ANO3: variants seen among roughly 807,000 people sequenced by gnomAD.
ANO3 encodes the protein anoctamin-3.
ANO3 carries 99 observed loss-of-function variants against 144.8 expected under a neutral mutation model. That is an observed-to-expected ratio of 0.68 (90% confidence interval 0.58 to 0.81). The LOEUF is 0.81. ANO3 is among the 30% of genes least tolerant of loss of function. The pLI, the probability that ANO3 is intolerant of heterozygous loss-of-function variation, is 0.00. For synonymous variants in ANO3, 414 were observed against 392.6 expected, an observed-to-expected ratio of 1.05 and a Z score of -0.64; for missense variants, 905 against 1,202.2, an observed-to-expected ratio of 0.75 and a Z score of 3.66.
At chr11:26,471,439 A>C (rs1427763251) in intron 4 of ANO3, among the ~76,000 whole-genome samples, 1 of 151,986 alleles carries the variant, frequency 6.6e-6, no homozygotes, top group Non-Finnish European at 1.5e-5. Context: ...ACTAAACCTC[A>C]ACAAAAGTAG....
At chr11:26,406,743 A>G (rs1325882086) in intron 1 of ANO3, among the ~76,000 whole-genome samples, 4 of 141,978 alleles carry the variant, frequency 2.8e-5, no homozygotes, top group Non-Finnish European at 6.1e-5. Flanking sequence ...GGCATTACCA[A>G]TGATTTCTAG....
intron 1 of ANO3, among the ~76,000 whole-genome samples, chr11:26,199,099 T>A (rs1450312834): frequency 1.4e-5 from 2 of 147,256 alleles, no homozygotes; most frequent in Non-Finnish European, 3.0e-5. Context: ...GAGATCAATT[T>A]TAGGTTTCCA....
At chr11:26,526,884 T>C (rs1372116975) in intron 7 of ANO3, among the ~76,000 whole-genome samples, 2 of 152,202 alleles carry the variant, frequency 1.3e-5, no homozygotes, top group African/African-American at 4.8e-5. Flanking sequence ...TTTCCAGTCA[T>C]TTTTGCTAAT....
At chr11:26,355,214 A>G (rs1855748224) in intron 1 of ANO3, among the ~76,000 whole-genome samples, 1 of 152,122 alleles carries the variant, frequency 6.6e-6, no homozygotes, top group Admixed American at 6.6e-5. Context: ...GTTCTCCAGC[A>G]GCTTATTGAA....
intron 1 of ANO3, among the ~76,000 whole-genome samples, chr11:26,346,028 T>G (rs1329492444): frequency 6.6e-6 from 1 of 152,226 alleles, no homozygotes; most frequent in Non-Finnish European, 1.5e-5. Flanking sequence ...TGGGGCCTAC[T>G]GTGCATCTGT....
intron 1 of ANO3, among the ~76,000 whole-genome samples, chr11:26,378,372 C>A (rs1011767743): frequency 1.4e-5 from 2 of 146,576 alleles, no homozygotes; most frequent in Non-Finnish European, 3.0e-5. Flanking sequence ...TATATATTAT[C>A]TATATATCTA....
At chr11:26,245,380 A>G (rs1375827447) in intron 1 of ANO3, among the ~76,000 whole-genome samples, 2 of 152,222 alleles carry the variant, frequency 1.3e-5, no homozygotes, top group Non-Finnish European at 2.9e-5. Context: ...CCAATACTTC[A>G]GTATCCTTTG....
chr11:26,582,485 G>T (rs1260693087), intron 14 of ANO3, among the ~76,000 whole-genome samples: 1 of 152,120 alleles, frequency 6.6e-6, no homozygotes, highest in Non-Finnish European at 1.5e-5. Context: ...AAGTTTCCTG[G>T]GAAGGATAGG....
Position 26,524,235 on chromosome 11 carries a change from TG to T in ANO3, c.693-1399del, listed in dbSNP as rs369644532. Among the ~76,000 whole-genome samples the T allele has an allele frequency of 1.1e-4, 16 of 152,294 alleles. No homozygotes were observed. The East Asian group carries it at 2.9e-3, about 28-fold the overall frequency. On this transcript the variant is annotated intron_variant, in intron 6 of 26. Transcript: ENST00000256737. ...AGTGAAGTACGCACACAAGCTTTTGTGTATGTTTGAAAAAAATAGAGAAGTA... is the reference window on the plus strand; with the variant it reads ...AGTGAAGTACGCACACAAGCTTTTGTTATGTTTGAAAAAAATAGAGAAGTA...
chr11:26,293,745 A>T (rs1395124176), intron 1 of ANO3, among the ~76,000 whole-genome samples: 2 of 151,830 alleles, frequency 1.3e-5, no homozygotes, highest in Non-Finnish European at 2.9e-5. Flanking sequence ...CCACAGGGAT[A>T]AAAAGGACAT....
At chr11:26,255,381 T>G (rs747109248) in intron 1 of ANO3, among the ~76,000 whole-genome samples, 21 of 152,182 alleles carry the variant, frequency 1.4e-4, no homozygotes, top group Non-Finnish European at 2.4e-4. Context: ...CTACTCCAAC[T>G]CAGATACTTT....
At chr11:26,650,482 T>C (rs1853496770) in intron 24 of ANO3, among the ~76,000 whole-genome samples, 1 of 152,088 alleles carries the variant, frequency 6.6e-6, no homozygotes, top group Non-Finnish European at 1.5e-5. Context: ...AATTAAGATA[T>C]CATTTGCCCT....
chr11:26,243,314 T>G (rs1166356050), intron 1 of ANO3, among the ~76,000 whole-genome samples: 1 of 152,170 alleles, frequency 6.6e-6, no homozygotes, highest in Non-Finnish European at 1.5e-5. Flanking sequence ...TCTCTTCTCT[T>G]TCTCTTAAAA....
At chr11:26,228,457 C>T (rs189118584) in intron 1 of ANO3, among the ~76,000 whole-genome samples, 24 of 152,312 alleles carry the variant, frequency 1.6e-4, no homozygotes, top group Admixed American at 8.5e-4. Context: ...TCAGTCCATT[C>T]CTGGCATCAA....
intron 1 of ANO3, among the ~76,000 whole-genome samples, chr11:26,314,924 A>G (rs1467378864): frequency 6.6e-6 from 1 of 152,042 alleles, no homozygotes; most frequent in African/African-American, 2.4e-5. Context: ...ATTAATATAG[A>G]CCCTTCTCCA....
chr11:26,645,171 A>G (rs1018005287), intron 23 of ANO3, among the ~76,000 whole-genome samples: 2 of 151,900 alleles, frequency 1.3e-5, no homozygotes, highest in South Asian at 4.1e-4. Context: ...ATTGTTGTTC[A>G]TTTAAATTGT....
chr11:26,641,623 T>C (rs1198068224), intron 21 of ANO3, among the ~76,000 whole-genome samples: 1 of 152,158 alleles, frequency 6.6e-6, no homozygotes, highest in South Asian at 2.1e-4. Context: ...GATAATTATG[T>C]AGATATTTAT....
intron 1 of ANO3, among the ~76,000 whole-genome samples, chr11:26,303,412 G>C (rs187588815): frequency 6.6e-6 from 1 of 152,154 alleles, no homozygotes; most frequent in Admixed American, 6.5e-5. Context: ...GATGCAACTG[G>C]AGGCCATTAT....
chr11:26,467,645 G>T (rs902024059), intron 4 of ANO3, among the ~76,000 whole-genome samples: 4 of 148,818 alleles, frequency 2.7e-5, no homozygotes, highest in Non-Finnish European at 4.5e-5. Flanking sequence ...ACTCCATTGT[G>T]TATATGTTCC....
Sources: gnomAD v4.1 joint callset for allele counts (sites outside exome capture counted in the v4.1 genomes callset) on GRCh38, gnomAD v4.1.1 for gene constraint, MANE v1.5 for transcripts, NCBI Gene and HGNC (gene_info 2026-07-23, HGNC 2026-07-21) for gene names.